Variants in TJP2 observed in about 807,000 individuals in gnomAD.
The protein encoded by TJP2 is tight junction protein 2, also known as Friedreich ataxia region gene X104 (tight junction protein ZO-2).
In TJP2, 91 loss-of-function variants were observed where a neutral mutation model predicts 133.1. The ratio of observed to expected loss-of-function variants is 0.68; its 90% CI spans 0.58 to 0.81. TJP2 has a LOEUF of 0.81. Ranked by LOEUF, TJP2 falls within the 40% of genes least tolerant of loss-of-function variation. The probability of loss-of-function intolerance (pLI) is 0.00; values close to 1 mark genes in which losing one functional copy is unlikely to be tolerated. For missense variants in TJP2, 1,541 were observed against 1,565.6 expected (o/e 0.98, Z 0.26); for synonymous variants, 592 against 583.4 (o/e 1.01, Z -0.21).
At chr9:69,125,148 T>A (rs561952755) in intron 1 of TJP2, among the ~76,000 whole-genome samples, 1 of 73,316 alleles carries the variant, frequency 1.4e-5, no homozygotes, top group South Asian at 3.9e-4. Context: ...AGATGGGGTT[T>A]CTCCATGTTG....
intron 1 of TJP2, among the ~76,000 whole-genome samples, chr9:69,143,906 G>T (rs1481802526): frequency 1.3e-5 from 2 of 152,134 alleles, no homozygotes; most frequent in African/African-American, 2.4e-5. Flanking sequence ...CCGTATACAT[G>T]AGTATATTAG....
chr9:69,177,218 A>G (rs1247216901), intron 1 of TJP2, among the ~76,000 whole-genome samples: 1 of 152,170 alleles, frequency 6.6e-6, no homozygotes, highest in Non-Finnish European at 1.5e-5. Context: ...GATTTTCCAG[A>G]GAAGGTGATT....
At chr9:69,162,572 A>G (rs1463888483) in intron 2 of TJP2, among the ~76,000 whole-genome samples, 1 of 152,244 alleles carries the variant, frequency 6.6e-6, no homozygotes, top group Non-Finnish European at 1.5e-5. Flanking sequence ...TATTCAGCCA[A>G]TTATGGTATA....
At chr9:69,233,114 G>T (rs931550077) in intron 11 of TJP2, among the ~76,000 whole-genome samples, 3 of 152,240 alleles carry the variant, frequency 2.0e-5, no homozygotes, top group African/African-American at 7.2e-5. Flanking sequence ...CTAATTGGGG[G>T]ACAGAGAGGT....
At chr9:69,241,031 A>C (rs972197393) in intron 17 of TJP2, among the ~76,000 whole-genome samples, 2 of 152,162 alleles carry the variant, frequency 1.3e-5, no homozygotes, top group Non-Finnish European at 1.5e-5. Flanking sequence ...TAGACAGGAC[A>C]AGACTGGCCA....
intron 3 of TJP2, among the ~76,000 whole-genome samples, chr9:69,217,841 C>T (rs1828505665): frequency 1.3e-5 from 2 of 152,168 alleles, no homozygotes; most frequent in South Asian, 2.1e-4. Flanking sequence ...CCAAGGCAAG[C>T]CCTTTTCCTG....
rs549843179 is a variant in TJP2, at chr9:69,128,952, A to G, written c.-131+7227A>G. Among the ~76,000 whole-genome samples, 4 of 152,372 alleles carry G rather than the reference A, an allele frequency of 2.6e-5. No homozygotes were observed. In the South Asian group the frequency reaches 8.3e-4, roughly 32 times the overall value. ...GGTTTAGATTAGAAGCATACTGAAAATGTAAATTGAGCCATTTGCTCTTTT... is the reference window on the plus strand; with the variant it reads ...GGTTTAGATTAGAAGCATACTGAAAGTGTAAATTGAGCCATTTGCTCTTTT... On this transcript the variant is annotated intron_variant, in intron 1 of 5. Transcript: ENST00000423935.
chr9:69,190,565 A>G (rs560583477), intron 1 of TJP2, among the ~76,000 whole-genome samples: 5 of 152,160 alleles, frequency 3.3e-5, no homozygotes, highest in South Asian at 4.1e-4. Flanking sequence ...AAAACACTCA[A>G]AACAAGTTTA....
At chr9:69,175,097 C>T (rs1264607548) in intron 1 of TJP2, among the ~76,000 whole-genome samples, 1 of 152,172 alleles carries the variant, frequency 6.6e-6, no homozygotes, top group Non-Finnish European at 1.5e-5. Flanking sequence ...GGGATTTCTA[C>T]CACAGGGTTT....
At position 69,237,934 on chromosome 9, in the gene TJP2, A is replaced by T; in HGVS notation, c.2236A>T (p.Lys746Ter). ...CCCCATAGCTGATATAGCAATGGAA[A>T]AATTGGCTAATGAGTTACCTGACTG... ...FGPIADIAME[K>*]LANELPDWFQ... The change falls in exon 15 of 23, where the codon AAA becomes TAA. Residue 746 changes from lysine (K) to a stop codon, truncating the protein, a stop_gained. Transcript: ENST00000377245. LOFTEE classifies it high-confidence loss of function. 1 of 1,614,000 alleles carries T rather than the reference A, an allele frequency of 6.2e-7. No homozygotes were observed. Among genetic ancestry groups the T allele is most frequent in the Non-Finnish European group, 8.5e-7 (1 of 1,179,914 alleles).
intron 4 of TJP2, chr9:69,218,580 T>G: frequency 1.8e-6 from 1 of 560,564 alleles, no homozygotes; most frequent in South Asian, 1.9e-5. Flanking sequence ...TGATCTGAGT[T>G]AGTTTGCCTT....
chr9:69,151,599 A>C, intron 1 of TJP2: 1 of 1,231,560 alleles, frequency 8.1e-7, no homozygotes, highest in Non-Finnish European at 1.0e-6. Context: ...CCAAAATCTT[A>C]CCATTGCAGG....
At chr9:69,249,244 G>A in intron 19 of TJP2, 131 bp from the exon 20 acceptor site, 2 of 1,511,678 alleles carry the variant, frequency 1.3e-6, no homozygotes, top group Non-Finnish European at 1.8e-6. Flanking sequence ...TGCCTGTTCA[G>A]TAAAGAAGCA....
rs201976717 is a variant in TJP2, at chr9:69,248,045, A to G, written c.2701A>G (p.Met901Val). ...GATGGATGATGACCCCGAAGACCGC[A>G]TGTCCTACTTAACCGCCATGGGCGC... ...EGMDDDPEDRMSYLTAMGADY... is the reference protein window; with the variant it reads ...EGMDDDPEDRVSYLTAMGADY... Residue 901 changes from methionine to valine, a missense_variant, in exon 19 of 23, where the codon ATG becomes GTG. Physicochemically the swap from Met to Val is conservative, Grantham distance 21. Coordinates refer to ENST00000377245, the MANE Select transcript of TJP2 (RefSeq NM_004817.4). 1.2e-5 allele frequency: 19 copies of G among 1,613,556 alleles called. No homozygotes were observed. The East Asian group carries it at 3.8e-4, about 32-fold the overall frequency.
chr9:69,166,181 C>T (rs1385657510), intron 2 of TJP2, among the ~76,000 whole-genome samples: 3 of 152,012 alleles, frequency 2.0e-5, no homozygotes, highest in Non-Finnish European at 2.9e-5. Flanking sequence ...GGTACGATCT[C>T]GGCTAGGCAG....
rs200816726 is a variant in TJP2, at chr9:69,199,550, G to T, written c.61-12998G>T. 2.0e-5 allele frequency among the ~76,000 whole-genome samples: 3 copies of T among 148,472 alleles called. No homozygotes were observed. In the East Asian group the frequency reaches 6.1e-4, roughly 30 times the overall value. Reference sequence around the variant, plus strand: ...GTCTCAGACATACACACACACACACGCATGCACGTACGCACGCACCAGAGG... The same window carrying T: ...GTCTCAGACATACACACACACACACTCATGCACGTACGCACGCACCAGAGG... On this transcript the variant is annotated intron_variant, in intron 1 of 22. Coordinates refer to ENST00000377245, the MANE Select transcript of TJP2 (RefSeq NM_004817.4).
chr9:69,178,378 T>A (rs1825248887), intron 1 of TJP2, among the ~76,000 whole-genome samples: 1 of 152,208 alleles, frequency 6.6e-6, no homozygotes, highest in African/African-American at 2.4e-5. Flanking sequence ...CAAAAATAAA[T>A]ATTAAGTAAA....
upstream of TJP2, among the ~76,000 whole-genome samples, chr9:69,173,055 T>C (rs1431096825): frequency 1.3e-5 from 2 of 152,222 alleles, no homozygotes; most frequent in Non-Finnish European, 2.9e-5. Flanking sequence ...ATAACACTTC[T>C]GGAGAGGCAT....
At chr9:69,174,090 G>A (rs1253844940), upstream of TJP2, 13 of 1,136,262 alleles carry the variant, frequency 1.1e-5, no homozygotes, top group African/African-American at 1.6e-5. Flanking sequence ...AAGGCGCGGC[G>A]CCGGCGAGCC....
Sources: gnomAD v4.1 joint callset for allele counts (sites outside exome capture counted in the v4.1 genomes callset) on GRCh38, gnomAD v4.1.1 for gene constraint, MANE v1.5 for transcripts, NCBI Gene and HGNC (gene_info 2026-07-23, HGNC 2026-07-21) for gene names.